Variants in SHFL observed in about 807,000 individuals in gnomAD.
SHFL encodes shiftless antiviral inhibitor of ribosomal frameshifting protein.
Under a neutral mutation model 34.7 loss-of-function variants are expected in SHFL, and 12 were observed. The ratio of observed to expected loss-of-function variants is 0.35; its 90% CI spans 0.22 to 0.56. The LOEUF is 0.56. Ranked by LOEUF, SHFL falls within the 20% of genes least tolerant of loss-of-function variation. The pLI is 0.88. For missense variants in SHFL, 278 were observed against 411.1 expected, an observed-to-expected ratio of 0.68 and a Z score of 2.80; for synonymous variants, 148 against 156.0, an observed-to-expected ratio of 0.95 and a Z score of 0.38.
rs923043647 is a variant in SHFL at position 10,086,356 on chromosome 19, G to T, written c.-72G>T. On this transcript the variant is annotated 5_prime_UTR_variant, in exon 1 of 8. Transcript: ENST00000253110. This position sits in a 1 kb window ranked among gnomAD's most constrained non-coding sequence, Gnocchi z 5.2. ...TGCCCTGCGCGGCTGCTGGACCGAC[G>T]GGCGCACCCAGGTAGGGGGGCGGCT... The T allele has an allele frequency of 2.4e-6, 3 of 1,245,420 alleles. No homozygotes were observed. The highest frequency in any genetic ancestry group is 3.1e-6 in the Non-Finnish European group (3 of 982,976). 77.1% of individuals were successfully genotyped at this position (1,245,420 alleles called of 1,614,324 possible).
At chr19:10,089,491 G>T in intron 3 of SHFL, 166 bp from the exon 4 acceptor site, 1 of 1,378,986 alleles carries the variant, frequency 7.3e-7, no homozygotes, top group South Asian at 1.2e-5. Flanking sequence ...CTGCTATGAG[G>T]ACAACTGAGG....
chr19:10,086,455 G>A lies in SHFL; in HGVS notation c.21+7G>A. 1 of 1,375,756 alleles carries A rather than the reference G, an allele frequency of 7.3e-7. No homozygotes were observed. The highest frequency in any genetic ancestry group is 9.5e-7 in the Non-Finnish European group (1 of 1,057,388). The allele number at this position is 1,375,756 out of a possible 1,614,324, so 85.2% of individuals were successfully genotyped here. A position where few individuals can be genotyped will look rare whatever the true frequency, so the allele number is the denominator to read the frequency against. On this transcript the variant is annotated splice_region_variant and intron_variant, in intron 1 of 7. Transcript: ENST00000253110. The surrounding 1 kb of genome is among the most constrained non-coding windows in gnomAD (Gnocchi z 5.2). ...GTCTCAGGAAGGTGTGGAGGTAAGC[G>A]ATGGCTACGGCTGGGCCGGGGTCAG...
intron 3 of SHFL, chr19:10,089,231 G>T: frequency 7.1e-7 from 1 of 1,400,336 alleles, no homozygotes; most frequent in South Asian, 1.2e-5. Flanking sequence ...CCAGGGGGCA[G>T]GGAGTGGCTT....
Position 10,086,709 on chromosome 19 carries a change from C to A in SHFL, c.22-220C>A. 1.6e-6 allele frequency: 1 copy of A among 632,402 alleles called. No homozygotes were observed. The highest frequency in any genetic ancestry group is 2.1e-5 in the South Asian group (1 of 47,446). The allele number at this position is 632,402 out of a possible 1,614,324, so 39.2% of individuals were successfully genotyped here. On this transcript the variant is annotated intron_variant, in intron 1 of 7. Transcript: ENST00000253110. The surrounding 1 kb of genome is among the most constrained non-coding windows in gnomAD (Gnocchi z 5.2). The stretch of plus-strand genomic sequence containing the variant: ...AGATAACCTGGCCGCCCCCCCACAC[C>A]TTAGGCTGGGACGCTCGCCCCAGTC...
Position 10,091,782 on chromosome 19 carries a change from C to A in SHFL, c.643+152C>A. 1 of 1,163,910 alleles carries A rather than the reference C, an allele frequency of 8.6e-7. No individual in the cohort carries two copies. The highest frequency in any genetic ancestry group is 1.2e-6 in the Non-Finnish European group (1 of 847,830). 72.1% of individuals were successfully genotyped at this position (1,163,910 alleles called of 1,614,324 possible). A position where few individuals can be genotyped will look rare whatever the true frequency, so the allele number is the denominator to read the frequency against. Reference sequence around the variant, plus strand: ...GACCCCCCAGTCTCCGTGGTCTTGCCCAGGAGGCTCTGAGGTTTCACCCCA... The same window carrying A: ...GACCCCCCAGTCTCCGTGGTCTTGCACAGGAGGCTCTGAGGTTTCACCCCA... On this transcript the variant is annotated intron_variant, in intron 7 of 7. Transcript: ENST00000253110. This position sits in a 1 kb window ranked among gnomAD's most constrained non-coding sequence, Gnocchi z 8.2.
At position 10,092,069 on chromosome 19, in the gene SHFL, G is replaced by C; in HGVS notation, c.644-1G>C. The stretch of plus-strand genomic sequence containing the variant: ...TGTCTGCAGCACCTCTCCCTCCCTA[G>C]AGCCCCACGTGCCTGGGACATCCTG... On this transcript the variant is annotated splice_acceptor_variant, in intron 7 of 7. Coordinates refer to ENST00000253110, the MANE Select transcript of SHFL (RefSeq NM_018381.4). LOFTEE classifies it high-confidence loss of function. 6.2e-7 allele frequency: 1 copy of C among 1,613,716 alleles called. No individual in the cohort carries two copies. The highest frequency in any genetic ancestry group is 8.5e-7 in the Non-Finnish European group (1 of 1,179,790).
chr19:10,088,260 CA>C (rs71188880), intron 3 of SHFL: 35,681 of 58,902 alleles, frequency 0.61, 8,978 homozygotes, highest in East Asian at 0.7. Flanking sequence ...AACTCTGTCT[CA>C]AAAAAAAAAA....
Position 10,091,661 on chromosome 19 carries a change from A to C in SHFL, c.643+31A>C. 1.3e-6 allele frequency: 2 copies of C among 1,527,918 alleles called. No homozygotes were observed. The highest frequency in any genetic ancestry group is 1.8e-6 in the Non-Finnish European group (2 of 1,132,604). 94.6% of individuals were successfully genotyped at this position (1,527,918 alleles called of 1,614,324 possible). A position where few individuals can be genotyped will look rare whatever the true frequency, so the allele number is the denominator to read the frequency against. On this transcript the variant is annotated intron_variant, in intron 7 of 7. Coordinates refer to ENST00000253110, the MANE Select transcript of SHFL (RefSeq NM_018381.4). This position sits in a 1 kb window ranked among gnomAD's most constrained non-coding sequence, Gnocchi z 8.2. ...GCTCTTCTCCCCCAACAGCCTGGACAGTCTTTGTCCCCTTCTGTGCCTTTA... is the reference window on the plus strand; with the variant it reads ...GCTCTTCTCCCCCAACAGCCTGGACCGTCTTTGTCCCCTTCTGTGCCTTTA...
Position 10,086,900 on chromosome 19 carries a change from C to A in SHFL, c.22-29C>A, listed in dbSNP as rs768077028. The A allele has an allele frequency of 1.9e-6, 3 of 1,612,156 alleles. No individual in the cohort carries two copies. The highest frequency in any genetic ancestry group is 2.5e-6 in the Non-Finnish European group (3 of 1,178,976). On this transcript the variant is annotated intron_variant, in intron 1 of 7. Transcript: ENST00000253110. The surrounding 1 kb of genome is among the most constrained non-coding windows in gnomAD (Gnocchi z 5.2). ...AGGGATGATCCCGTTTCCCCTTCCC[C>A]CACCGGAACCCCCCTGTCTCCATCC...
Position 10,091,508 on chromosome 19 carries a change from G to A in SHFL, c.521G>A (p.Cys174Tyr). 6.5e-7 allele frequency: 1 copy of A among 1,546,398 alleles called. No homozygotes were observed. The highest frequency in any genetic ancestry group is 8.7e-7 in the Non-Finnish European group (1 of 1,144,412). ...GWAQMGSPSP[C>Y]YGCGFPVYPT... ...GCACAGATGGGGTCCCCGTCCCCCT[G>A]CTACGGGTGCGGCTTCCCCGTGTAT... The change falls in exon 7 of 8, where the codon TGC becomes TAC. Residue 174 changes from cysteine to tyrosine, a missense_variant. Cys to Tyr is a radical substitution (Grantham distance 194). Coordinates refer to ENST00000253110, the MANE Select transcript of SHFL (RefSeq NM_018381.4). The surrounding 1 kb of genome is among the most constrained non-coding windows in gnomAD (Gnocchi z 8.2).
chr19:10,089,638 C>A lies in SHFL; in HGVS notation c.196-19C>A, dbSNP rs1427191181. On this transcript the variant is annotated intron_variant, in intron 3 of 7. Coordinates refer to ENST00000253110, the MANE Select transcript of SHFL (RefSeq NM_018381.4). ...CCTGAGCCCCATCCCCAGTTTCTGC[C>A]CCTGCTATCTCCACCCAGGATCCAC... 1.3e-5 allele frequency: 21 copies of A among 1,584,454 alleles called. No individual in the cohort carries two copies. Among genetic ancestry groups the A allele is most frequent in the Non-Finnish European group, 1.8e-5 (21 of 1,164,684 alleles).
At chr19:10,087,791 A>C (rs2088311691) in intron 3 of SHFL, 1 of 163,144 alleles carries the variant, frequency 6.1e-6, no homozygotes, top group African/African-American at 2.4e-5. Context: ...TGGGGAGGAG[A>C]GAGAGGCAGG....
chr19:10,089,855 G>T (rs1164392804), intron 4 of SHFL, 43 bp from the exon 5 acceptor site: 2 of 1,599,820 alleles, frequency 1.3e-6, no homozygotes, highest in Non-Finnish European at 1.7e-6. Flanking sequence ...GTGCAGAAGG[G>T]GTGACACCCC....
chr19:10,089,409 A>G (rs769321841), intron 3 of SHFL: 1 of 1,596,388 alleles, frequency 6.3e-7, no homozygotes, highest in South Asian at 1.1e-5. Flanking sequence ...AGCCTCACTC[A>G]GGCAAGCCCT....
chr19:10,093,012 T>A lies in SHFL; in HGVS notation c.*710T>A. 1 of 490,406 alleles carries A rather than the reference T, an allele frequency of 2.0e-6. No homozygotes were observed. Among genetic ancestry groups the A allele is most frequent in the African/African-American group, 1.9e-5 (1 of 51,960 alleles). The allele number at this position is 490,406 out of a possible 1,614,324, so 30.4% of individuals were successfully genotyped here. A position where few individuals can be genotyped will look rare whatever the true frequency, so the allele number is the denominator to read the frequency against. On this transcript the variant is annotated 3_prime_UTR_variant, in exon 8 of 8. Coordinates refer to ENST00000253110, the MANE Select transcript of SHFL (RefSeq NM_018381.4). The stretch of plus-strand genomic sequence containing the variant: ...CTTACCAAAGTACAAGTCACATCTT[T>A]CCCACCTTTTCTGCAAACTAGGAGT...
chr19:10,087,117 T>C, intron 2 of SHFL, 65 bp downstream of exon 2: 2 of 1,592,878 alleles, frequency 1.3e-6, no homozygotes, highest in South Asian at 1.1e-5. Context: ...GGGGGCGTGG[T>C]CTAGGGAGAG....
At chr19:10,087,429 C>T in intron 3 of SHFL, 129 bp downstream of exon 3, 1 of 948,598 alleles carries the variant, frequency 1.1e-6, no homozygotes, top group African/African-American at 1.6e-5. Context: ...GTCCATAACT[C>T]ATCACCCAAT....
chr19:10,092,952 C>A lies in SHFL; in HGVS notation c.*650C>A. 1 of 545,228 alleles carries A rather than the reference C, an allele frequency of 1.8e-6. No homozygotes were observed. The allele number at this position is 545,228 out of a possible 1,614,324, so 33.8% of individuals were successfully genotyped here. On this transcript the variant is annotated 3_prime_UTR_variant, in exon 8 of 8. Coordinates refer to ENST00000253110, the MANE Select transcript of SHFL (RefSeq NM_018381.4). Reference sequence around the variant, plus strand: ...ATAGGAGCCCTGGCCCCCCAACTTTCTTCAGAGTAATAGCCTTAATTCCTT... The same window carrying A: ...ATAGGAGCCCTGGCCCCCCAACTTTATTCAGAGTAATAGCCTTAATTCCTT...
intron 3 of SHFL, 71 bp from the exon 4 acceptor site, chr19:10,089,586 C>T: frequency 6.5e-7 from 1 of 1,542,234 alleles, no homozygotes; most frequent in Non-Finnish European, 8.8e-7. Context: ...GGCCGGGGGC[C>T]TCCCCCAGCA....
Sources: allele counts gnomAD v4.1 joint callset, GRCh38; gene constraint gnomAD v4.1.1; non-coding constraint Gnocchi (gnomAD v3.1); transcripts MANE v1.5; gene names NCBI Gene and HGNC (gene_info 2026-07-23, HGNC 2026-07-21).